The following TENM2 variants were observed in gnomAD, a reference collection of about 807,000 sequenced individuals.
TENM2 encodes the protein teneurin transmembrane protein 2, also known as teneurin-2.
A neutral mutation model predicts 245.2 loss-of-function variants in TENM2; 52 were observed. The ratio of observed to expected loss-of-function variants is 0.21; its 90% confidence interval spans 0.17 to 0.27. The LOEUF is 0.27. Among genes scored for constraint, TENM2 ranks in the 10% least tolerant of loss-of-function variants. TENM2 has a pLI of 1.00. For synonymous variants in TENM2, 1,363 were observed against 1,438.9 expected (o/e 0.95, Z 1.19); for missense variants, 3,046 against 3,666.8 (o/e 0.83, Z 4.37).
chr5:167,830,066 A>G (rs1768332813), intron 2 of TENM2, among the ~76,000 whole-genome samples: 1 of 152,196 alleles, frequency 6.6e-6, no homozygotes, highest in Admixed American at 6.5e-5. Context: ...TCACATCCTT[A>G]ATCCACTAGG....
At chr5:167,669,019 G>A (rs928358652) in intron 2 of TENM2, among the ~76,000 whole-genome samples, 42 of 152,096 alleles carry the variant, frequency 2.8e-4, no homozygotes, top group Admixed American at 9.8e-4. Flanking sequence ...CAGAAGGTGC[G>A]CCATTTTAAC....
chr5:168,185,469 ACAT>A (rs943751548), intron 13 of TENM2, among the ~76,000 whole-genome samples: 2 of 152,106 alleles, frequency 1.3e-5, no homozygotes, highest in Non-Finnish European at 2.9e-5. Context: ...ATCATCATCA[ACAT>A]CATCATCATC....
intron 1 of TENM2, among the ~76,000 whole-genome samples, chr5:167,374,912 A>G (rs1760653789): frequency 2.0e-5 from 3 of 152,194 alleles, no homozygotes; most frequent in Non-Finnish European, 4.4e-5. Context: ...GGGTTTTTTC[A>G]GCTACATGGA....
At chr5:167,173,932 CTT>C in the TENM2 span, among the ~76,000 whole-genome samples, 1 of 152,044 alleles carries the variant, frequency 6.6e-6, no homozygotes, top group Non-Finnish European at 1.5e-5. Context: ...CCAGACACAT[CTT>C]AATCTTTTAA....
chr5:167,961,673 A>T (rs766155243), intron 4 of TENM2, among the ~76,000 whole-genome samples: 8 of 152,222 alleles, frequency 5.3e-5, no homozygotes. Flanking sequence ...CCTGAAAACA[A>T]TCCTATGAAG....
the TENM2 span, among the ~76,000 whole-genome samples, chr5:167,198,649 T>C: frequency 1.3e-5 from 2 of 152,004 alleles, no homozygotes; most frequent in Non-Finnish European, 1.5e-5. Flanking sequence ...TCCCTTACTT[T>C]GCAAGAGAGA....
chr5:168,183,344 G>T (rs1211952798), intron 13 of TENM2, among the ~76,000 whole-genome samples: 1 of 151,914 alleles, frequency 6.6e-6, no homozygotes, highest in Non-Finnish European at 1.5e-5. Flanking sequence ...TGCTGATTTG[G>T]GGTGACTCAA....
At chr5:167,464,945 A>G (rs567799401) in intron 2 of TENM2, among the ~76,000 whole-genome samples, 1 of 152,204 alleles carries the variant, frequency 6.6e-6, no homozygotes, top group South Asian at 2.1e-4. Flanking sequence ...GTACAGTTAA[A>G]TCTAACTTAT....
intron 2 of TENM2, among the ~76,000 whole-genome samples, chr5:167,682,463 G>A (rs564376033): frequency 6.6e-6 from 1 of 152,044 alleles, no homozygotes; most frequent in Non-Finnish European, 1.5e-5. Context: ...GTGCCTGGAT[G>A]AGAATGCCTT....
At chr5:167,143,184 G>T in the TENM2 span, among the ~76,000 whole-genome samples, 1 of 152,154 alleles carries the variant, frequency 6.6e-6, no homozygotes, top group Non-Finnish European at 1.5e-5. Flanking sequence ...GCATGGAAAT[G>T]AACTTTTATT....
At chr5:167,521,290 A>G (rs191938804) in intron 2 of TENM2, among the ~76,000 whole-genome samples, 7 of 152,156 alleles carry the variant, frequency 4.6e-5, no homozygotes, top group African/African-American at 1.7e-4. Flanking sequence ...GTATATCACT[A>G]CTCAAATATT....
At chr5:167,318,378 T>A (rs1756501750) in intron 1 of TENM2, among the ~76,000 whole-genome samples, 1 of 152,116 alleles carries the variant, frequency 6.6e-6, no homozygotes, top group Non-Finnish European at 1.5e-5. Context: ...TACAATAACT[T>A]GGATTCACTT....
chr5:167,810,697 G>A (rs758031115), intron 2 of TENM2, among the ~76,000 whole-genome samples: 2 of 152,056 alleles, frequency 1.3e-5, no homozygotes, highest in Non-Finnish European at 2.9e-5. Context: ...ACTTCAGGGA[G>A]AGCCATGCTT....
chr5:168,041,604 C>G (rs1562087401), intron 5 of TENM2, among the ~76,000 whole-genome samples: 1 of 152,152 alleles, frequency 6.6e-6, no homozygotes, highest in African/African-American at 2.4e-5. Flanking sequence ...CAATGCATCC[C>G]CCACCTGCGA....
chr5:167,865,153 C>T (rs1264341598), intron 2 of TENM2, among the ~76,000 whole-genome samples: 1 of 152,204 alleles, frequency 6.6e-6, no homozygotes, highest in Non-Finnish European at 1.5e-5. Context: ...GACAGCATTG[C>T]CCACATAGTT....
intron 2 of TENM2, among the ~76,000 whole-genome samples, chr5:167,544,825 C>G (rs1035418): frequency 0.64 from 97,363 of 151,948 alleles, 31,398 homozygotes; most frequent in East Asian, 0.79. Context: ...CAAAAATACA[C>G]TTTCAGGCAA....
chr5:167,429,767 C>T (rs138975504), intron 2 of TENM2, among the ~76,000 whole-genome samples: 7,203 of 151,898 alleles, frequency 0.047, 227 homozygotes, highest in African/African-American at 0.092. Context: ...CCACCATGTC[C>T]GGCTAATTTT....
intron 11 of TENM2, among the ~76,000 whole-genome samples, chr5:168,125,357 C>A (rs1057234775): frequency 6.6e-6 from 1 of 152,082 alleles, no homozygotes; most frequent in Non-Finnish European, 1.5e-5. Flanking sequence ...CAAAACAGAA[C>A]ATTTCAGCCC....
rs140274485 is a variant in TENM2, at chr5:167,979,316, A to C, written c.948-13628A>C. ...TATCATATTCTATTAAAAGTGATTTAGAAGAGAAAAATGCACCATGAAATC... is the reference window on the plus strand; with the variant it reads ...TATCATATTCTATTAAAAGTGATTTCGAAGAGAAAAATGCACCATGAAATC... On this transcript the variant is annotated intron_variant, in intron 4 of 28. Transcript: ENST00000518659. Among the ~76,000 whole-genome samples the C allele has an allele frequency of 7.9e-5, 12 of 152,324 alleles. No individual in the cohort carries two copies. The East Asian group carries it at 2.3e-3, about 29-fold the overall frequency.
Sources: gnomAD v4.1 joint callset for allele counts (sites outside exome capture counted in the v4.1 genomes callset) on GRCh38, gnomAD v4.1.1 for gene constraint, MANE v1.5 for transcripts, NCBI Gene and HGNC (gene_info 2026-07-23, HGNC 2026-07-21) for gene names.